GRK7: variants seen among roughly 807,000 people sequenced by gnomAD.
GRK7 encodes G protein-coupled receptor kinase 7.
Under a neutral mutation model 34.1 loss-of-function variants are expected in GRK7, and 24 were observed. The ratio of observed to expected loss-of-function variants is 0.70; its 90% confidence interval spans 0.51 to 0.99. The LOEUF (loss-of-function observed/expected upper bound fraction) is 0.99, where lower values mean the gene tolerates loss of function less well. Among genes scored for constraint, GRK7 ranks in the 50% least tolerant of loss-of-function variants. The probability of loss-of-function intolerance (pLI) is 0.00; values close to 1 mark genes in which losing one functional copy is unlikely to be tolerated. For synonymous variants in GRK7, 256 were observed against 279.4 expected, an observed-to-expected ratio of 0.92 and a Z score of 0.84; for missense variants, 644 against 707.3, an observed-to-expected ratio of 0.91 and a Z score of 1.02.
In GRK7 at chr3:141,807,884, C is replaced by G. The variant is rs751303405; in HGVS notation, c.1290C>G (p.Phe430Leu). 2 of 1,605,308 alleles carry G rather than the reference C, an allele frequency of 1.2e-6. No homozygotes were observed. The highest frequency in any genetic ancestry group is 3.4e-5 in the Admixed American group (2 of 59,108). ...AAGCAAAAGATATTTGCAGGCTCTT[C>G]TTGGCTAAGAAACCAGAGCAACGCT... is the stretch of plus-strand genomic sequence containing the variant. ...TEEAKDICRL[F>L]LAKKPEQRLG... is the part of the protein sequence containing the mutation. Residue 430 changes from phenylalanine to leucine, a missense_variant, in exon 5 of 6, where the codon TTC (phenylalanine) becomes TTG (leucine). Phe to Leu is a conservative substitution (Grantham distance 22). Transcript: ENST00000682958.
chr3:141,778,342 CG>C lies in GRK7; in HGVS notation c.60del (p.Lys21SerfsTer34), dbSNP rs2084651038. The C allele has an allele frequency of 6.2e-7, 1 of 1,606,478 alleles. No homozygotes were observed. The highest frequency in any genetic ancestry group is 1.3e-5 in the African/African-American group (1 of 74,748). ...LIANTAYLQA[R>X]KPSDCDSKEL... is the part of the protein sequence containing the mutation. ...CGCCAACACCGCCTACCTGCAGGCC[CG>C]GAAGCCCTCGGACTGCGACAGCAAA... On this transcript the variant is annotated frameshift_variant, in exon 3 of 6. Transcript: ENST00000682958. LOFTEE classifies it high-confidence loss of function. The surrounding 1 kb of genome is among the most constrained non-coding windows in gnomAD (Gnocchi z 4.1).
At chr3:141,813,936 C>A (rs1173065015) in intron 5 of GRK7, among the ~76,000 whole-genome samples, 1 of 152,150 alleles carries the variant, frequency 6.6e-6, no homozygotes, top group African/African-American at 2.4e-5. Context: ...GTTGTGTTAA[C>A]TGACAGTAGG....
At chr3:141,762,724 C>T (rs1577907381), upstream of GRK7, among the ~76,000 whole-genome samples, 1 of 152,188 alleles carries the variant, frequency 6.6e-6, no homozygotes, top group African/African-American at 2.4e-5. Context: ...CTCGCTGCCG[C>T]CTTGCAGTTT....
At chr3:141,762,204 G>A (rs2084558229), upstream of GRK7, among the ~76,000 whole-genome samples, 1 of 151,644 alleles carries the variant, frequency 6.6e-6, no homozygotes, top group Admixed American at 6.6e-5. Flanking sequence ...GCGTTTTAGA[G>A]TTTCCAGTTT....
Position 141,778,822 on chromosome 3 carries a change from C to CA in GRK7, c.538_539insA (p.Leu180HisfsTer14). The CA allele has an allele frequency of 6.2e-7, 1 of 1,611,768 alleles. No individual in the cohort carries two copies. The highest frequency in any genetic ancestry group is 1.7e-5 in the Admixed American group (1 of 59,602). ...CTACGACAAGTTTCTGCAGTGGAAA[C>CA]TCTTCGAGATGCAACCAGTGTCAGA... On this transcript the variant is annotated frameshift_variant, in exon 3 of 6. Transcript: ENST00000682958. LOFTEE classifies it high-confidence loss of function. This position sits in a 1 kb window ranked among gnomAD's most constrained non-coding sequence, Gnocchi z 4.1.
In GRK7 at chr3:141,778,455, C is replaced by G. The variant is rs760533722; in HGVS notation, c.171C>G (p.His57Gln). The G allele has an allele frequency of 6.2e-7, 1 of 1,613,164 alleles. No homozygotes were observed. Among genetic ancestry groups the G allele is most frequent in the South Asian group, 1.1e-5 (1 of 91,084 alleles). The change falls in exon 3 of 6, where the codon CAC becomes CAG. Residue 57 changes from histidine to glutamine, a missense_variant. Transcript: ENST00000682958. The surrounding 1 kb of genome is among the most constrained non-coding windows in gnomAD (Gnocchi z 4.1). Reference protein sequence around the residue: ...ELRQKLSLNFHSLCEQQPIGR... With the variant: ...ELRQKLSLNFQSLCEQQPIGR... ...GCCAGAAGCTGTCCCTGAACTTCCA[C>G]AGCCTGTGTGAGCAGCAGCCCATCG...
At chr3:141,766,429 T>G (rs1559837536) in intron 1 of GRK7, among the ~76,000 whole-genome samples, 1 of 152,248 alleles carries the variant, frequency 6.6e-6, no homozygotes, top group Middle Eastern at 3.4e-3. Flanking sequence ...TCCCAAAGTG[T>G]TGGGATTACA....
intron 4 of GRK7, among the ~76,000 whole-genome samples, chr3:141,786,692 C>A (rs1316604841): frequency 6.6e-6 from 1 of 151,570 alleles, no homozygotes. Flanking sequence ...GCAGGAGAAT[C>A]GCTTGAACCC....
chr3:141,796,198 G>A (rs971403701), intron 4 of GRK7, among the ~76,000 whole-genome samples: 3 of 152,138 alleles, frequency 2.0e-5, no homozygotes, highest in African/African-American at 7.2e-5. Flanking sequence ...CGTCACATGG[G>A]AGGCTGGTTT....
At chr3:141,772,762 A>ACT (rs2107873409) in intron 1 of GRK7, among the ~76,000 whole-genome samples, 1 of 152,370 alleles carries the variant, frequency 6.6e-6, no homozygotes, top group African/African-American at 2.4e-5. Flanking sequence ...TCCTAAAAAT[A>ACT]CTAAAATATT....
At chr3:141,807,398 C>T (rs1711046528) in intron 4 of GRK7, among the ~76,000 whole-genome samples, 1 of 152,134 alleles carries the variant, frequency 6.6e-6, no homozygotes, top group Non-Finnish European at 1.5e-5. Flanking sequence ...TTCATGTGAC[C>T]TTAGCCACCA....
rs2084577838 is a variant in GRK7 at position 141,765,729 on chromosome 3, G to A, written c.-224G>A. Among the ~76,000 whole-genome samples, 2 of 152,170 alleles carry A rather than the reference G, an allele frequency of 1.3e-5. No homozygotes were observed. Among genetic ancestry groups the A allele is most frequent in the African/African-American group, 4.8e-5 (2 of 41,452 alleles). ...CCCCCAGCTGAATGCAACCATAAGA[G>A]TGAGTCCAGGTGAGACCAGCAAAGA... On this transcript the variant is annotated 5_prime_UTR_variant, in exon 1 of 6. The change creates a new upstream start codon in the 5' untranslated region. Coordinates refer to ENST00000682958, the MANE Select transcript of GRK7 (RefSeq NM_139209.3).
intron 5 of GRK7, among the ~76,000 whole-genome samples, chr3:141,808,418 A>G (rs1711058258): frequency 6.6e-6 from 1 of 152,200 alleles, no homozygotes; most frequent in South Asian, 2.1e-4. Context: ...GAATTCATAG[A>G]GACAGAAAGT....
intron 2 of GRK7, among the ~76,000 whole-genome samples, chr3:141,777,435 C>T (rs2084645401): frequency 1.4e-5 from 2 of 145,422 alleles, no homozygotes; most frequent in Admixed American, 7.0e-5. Context: ...CGCCATTCTC[C>T]TGCCTCAGCC....
rs1239903791 is a variant in GRK7 at position 141,763,868 on chromosome 3, C to T, written c.-2085C>T. ...AACAAAATTTCCTCCGTCCTCTTCCCTTCCCTACAAATTCCCTCCATTTTG... is the reference window on the plus strand; with the variant it reads ...AACAAAATTTCCTCCGTCCTCTTCCTTTCCCTACAAATTCCCTCCATTTTG... On this transcript the variant is annotated 5_prime_UTR_variant, in exon 1 of 6. Transcript: ENST00000682958. 6.6e-6 allele frequency among the ~76,000 whole-genome samples: 1 copy of T among 152,176 alleles called. No individual in the cohort carries two copies. Among genetic ancestry groups the T allele is most frequent in the African/African-American group, 2.4e-5 (1 of 41,452 alleles).
At chr3:141,803,824 C>T (rs1438712394) in intron 4 of GRK7, among the ~76,000 whole-genome samples, 2 of 152,138 alleles carry the variant, frequency 1.3e-5, no homozygotes, top group East Asian at 1.9e-4. Context: ...CAGGTTCAAG[C>T]GATTCTCCTG....
chr3:141,791,572 A>G (rs944504105), intron 4 of GRK7, among the ~76,000 whole-genome samples: 1 of 152,234 alleles, frequency 6.6e-6, no homozygotes, highest in African/African-American at 2.4e-5. Context: ...TACCAAGGGC[A>G]TTCAAAAATA....
At chr3:141,760,420 C>T (rs1381130156), upstream of GRK7, among the ~76,000 whole-genome samples, 22 of 137,504 alleles carry the variant, frequency 1.6e-4, no homozygotes, top group Admixed American at 4.6e-4. Context: ...TGTAGTTGAG[C>T]GGCTTTGAGT....
upstream of GRK7, among the ~76,000 whole-genome samples, chr3:141,760,678 TTC>T (rs1235631339): frequency 6.6e-5 from 10 of 150,920 alleles, 1 homozygote; most frequent in Admixed American, 6.6e-4. Context: ...CTTGTTGACT[TTC>T]TGTCTCGTTG....
Sources: allele counts gnomAD v4.1 joint callset (sites outside exome capture counted in the v4.1 genomes callset), GRCh38; gene constraint gnomAD v4.1.1; non-coding constraint Gnocchi (gnomAD v3.1); transcripts MANE v1.5; gene names NCBI Gene and HGNC (gene_info 2026-07-23, HGNC 2026-07-21).